Variants in SMARCA5 observed in about 807,000 individuals in gnomAD.
SMARCA5 encodes SWI/SNF-related matrix-associated actin-dependent regulator of chromatin subfamily A member 5.
SMARCA5 carries 18 observed loss-of-function variants against 140.4 expected under a neutral mutation model. The observed-to-expected ratio is 0.13, with a 90% CI of 0.09 to 0.19. The LOEUF (loss-of-function observed/expected upper bound fraction) is 0.19, where lower values mean the gene tolerates loss of function less well. SMARCA5 is among the 10% of genes least tolerant of loss of function. The probability of loss-of-function intolerance (pLI) is 1.00; values close to 1 mark genes in which losing one functional copy is unlikely to be tolerated. For missense variants in SMARCA5, 606 were observed against 1,276.8 expected (o/e 0.47, Z 8.01); for synonymous variants, 449 against 419.6 (o/e 1.07, Z -0.86).
At chr4:143,549,947 A>C in intron 22 of SMARCA5, 50 bp from the exon 23 acceptor site, 2 of 1,026,800 alleles carry the variant, frequency 1.9e-6, no homozygotes, top group Non-Finnish European at 3.0e-6. Flanking sequence ...AATTGAAATC[A>C]TGAAACTTGT....
rs1736748418 is a variant in SMARCA5, at chr4:143,513,722, C to G, written c.-203C>G. ...TAAGCGCCGGTGGAACCTAGAGCCC[C>G]GCGGAAGAGCAGAACGTTTGGGAGT... On this transcript the variant is annotated 5_prime_UTR_variant, in exon 1 of 24. Transcript: ENST00000283131. The G allele has an allele frequency of 6.7e-6, 4 of 597,938 alleles. No homozygotes were observed. Among genetic ancestry groups the G allele is most frequent in the Admixed American group, 3.3e-5 (1 of 30,314 alleles). 37.0% of individuals were successfully genotyped at this position (597,938 alleles called of 1,614,324 possible).
Position 143,555,305 on chromosome 4 carries a change from C to A in SMARCA5, c.*2121C>A. 1 of 765,436 alleles carries A rather than the reference C, an allele frequency of 1.3e-6. No homozygotes were observed. 47.4% of individuals were successfully genotyped at this position (765,436 alleles called of 1,614,324 possible). ...GCCAAAATCATTGTAGCTTTTACCA[C>A]CTCCAAAATTGCTTCAATCATTACC... On this transcript the variant is annotated 3_prime_UTR_variant, in exon 24 of 24. Coordinates refer to ENST00000283131, the MANE Select transcript of SMARCA5 (RefSeq NM_003601.4).
intron 1 of SMARCA5, 61 bp from the exon 2 acceptor site, chr4:143,517,294 C>A: frequency 1.6e-6 from 2 of 1,262,972 alleles, no homozygotes; most frequent in South Asian, 1.4e-5. Flanking sequence ...AGAAATTGGT[C>A]TATAATGGTA....
chr4:143,557,017 G>A lies in SMARCA5; in HGVS notation c.*3833G>A, dbSNP rs903948309. ...AGAAGTGGACTGGCACCTCACCTGA[G>A]ATACTCAAGACTGGCAACATGGGTC... On this transcript the variant is annotated 3_prime_UTR_variant, in exon 24 of 24. Transcript: ENST00000283131. The A allele has an allele frequency of 3.3e-5, 5 of 152,336 alleles. No homozygotes were observed. The highest frequency in any genetic ancestry group is 2.6e-4 in the Admixed American group (4 of 15,304). The allele number at this position is 152,336 out of a possible 1,614,324, so 9.4% of individuals were successfully genotyped here. A position where few individuals can be genotyped will look rare whatever the true frequency, so the allele number is the denominator to read the frequency against.
intron 14 of SMARCA5, among the ~76,000 whole-genome samples, chr4:143,541,931 C>T (rs907332530): frequency 6.6e-6 from 1 of 151,576 alleles, no homozygotes; most frequent in African/African-American, 2.4e-5. Context: ...GATCTCGGCT[C>T]ACTGCAACCT....
chr4:143,536,360 G>A, intron 10 of SMARCA5, 92 bp from the exon 11 acceptor site: 1 of 797,526 alleles, frequency 1.3e-6, no homozygotes, highest in South Asian at 1.6e-5. Flanking sequence ...GATATTTGGG[G>A]GTTCATGTGG....
chr4:143,536,527 C>T lies in SMARCA5; in HGVS notation c.1344C>T (p.Asn448=). The part of the protein sequence containing the change: ...AGKMDKMRLL[N]ILMQLRKCCN... Reference sequence around the variant, plus strand: ...AGATGGACAAAATGAGGTTATTGAACATCCTAATGCAGTTGAGAAAATGTT... The same window carrying T: ...AGATGGACAAAATGAGGTTATTGAATATCCTAATGCAGTTGAGAAAATGTT... Residue 448 remains asparagine, a synonymous_variant, in exon 11 of 24, where the codon AAC becomes AAT. Transcript: ENST00000283131. 6.2e-7 allele frequency: 1 copy of T among 1,613,822 alleles called. No homozygotes were observed.
chr4:143,525,649 G>T lies in SMARCA5; in HGVS notation c.621+98G>T, dbSNP rs1310467874. On this transcript the variant is annotated intron_variant, in intron 5 of 23. Coordinates refer to ENST00000283131, the MANE Select transcript of SMARCA5 (RefSeq NM_003601.4). ...TACAGTCTACAACTGTTAGCAAATG[G>T]ATCCTCTCAGAAACTAGTATAAGCA... 1.0e-5 allele frequency: 8 copies of T among 784,944 alleles called. No homozygotes were observed. The East Asian group carries it at 1.5e-4, about 15-fold the overall frequency. 48.6% of individuals were successfully genotyped at this position (784,944 alleles called of 1,614,324 possible).
At chr4:143,551,263 T>C (rs1367138618) in intron 23 of SMARCA5, among the ~76,000 whole-genome samples, 1 of 152,128 alleles carries the variant, frequency 6.6e-6, no homozygotes, top group Non-Finnish European at 1.5e-5. Context: ...ACTGTTAGGA[T>C]TTTTTTCAGT....
intron 4 of SMARCA5, 39 bp from the exon 5 acceptor site, chr4:143,525,412 T>G: frequency 8.1e-7 from 1 of 1,231,720 alleles, no homozygotes; most frequent in Non-Finnish European, 1.2e-6. Context: ...TTGTATTTCT[T>G]GTCTTAAAAT....
At chr4:143,548,350 G>A in intron 22 of SMARCA5, 1 of 376,442 alleles carries the variant, frequency 2.7e-6, no homozygotes, top group Non-Finnish European at 4.7e-6. Flanking sequence ...TATATGATAA[G>A]ACTAGCTTTT....
chr4:143,530,299 G>GT (rs1225421532), intron 8 of SMARCA5, among the ~76,000 whole-genome samples, 159 bp from the exon 9 acceptor site: 1 of 152,100 alleles, frequency 6.6e-6, no homozygotes, highest in Non-Finnish European at 1.5e-5. Context: ...TTTAAAATTA[G>GT]TAACAATGAC....
At chr4:143,539,063 T>G in intron 13 of SMARCA5, 125 bp downstream of exon 13, 2 of 817,768 alleles carry the variant, frequency 2.4e-6, no homozygotes, top group Non-Finnish European at 3.9e-6. Context: ...AATGGTTCAG[T>G]GAGAGTATAT....
intron 13 of SMARCA5, among the ~76,000 whole-genome samples, chr4:143,539,889 C>G (rs957983817): frequency 4.6e-5 from 7 of 151,866 alleles, no homozygotes; most frequent in Admixed American, 4.6e-4. Context: ...GGAAAATGGA[C>G]CAATTATTAG....
At chr4:143,521,893 CAAA>C (rs58679947) in intron 3 of SMARCA5, among the ~76,000 whole-genome samples, 12 of 44,802 alleles carry the variant, frequency 2.7e-4, no homozygotes, top group Non-Finnish European at 4.3e-4. Flanking sequence ...CCCATCTCTA[CAAA>C]AAAAAAAAAA....
intron 6 of SMARCA5, among the ~76,000 whole-genome samples, chr4:143,527,550 C>T (rs1737100250): frequency 6.6e-6 from 1 of 152,148 alleles, no homozygotes; most frequent in South Asian, 2.1e-4. Flanking sequence ...GTTAAAACCT[C>T]CCTCTTTTTT....
In SMARCA5 at chr4:143,556,492, T is replaced by C. The variant is rs1212030725; in HGVS notation, c.*3308T>C. On this transcript the variant is annotated 3_prime_UTR_variant, in exon 24 of 24. Coordinates refer to ENST00000283131, the MANE Select transcript of SMARCA5 (RefSeq NM_003601.4). ...TTGGAGTAGAACATTGCTAAAAAAATGGGTACTAAGGAGGGTAATTTAAAC... is the reference window on the plus strand; with the variant it reads ...TTGGAGTAGAACATTGCTAAAAAAACGGGTACTAAGGAGGGTAATTTAAAC... 1 of 152,092 alleles carries C rather than the reference T, an allele frequency of 6.6e-6. No individual in the cohort carries two copies. Among genetic ancestry groups the C allele is most frequent in the South Asian group, 2.1e-4 (1 of 4,834 alleles). The allele number at this position is 152,092 out of a possible 1,614,324, so 9.4% of individuals were successfully genotyped here.
Position 143,536,442 on chromosome 4 carries a change from C to T in SMARCA5, c.1269-10C>T, listed in dbSNP as rs1048177325. The T allele has an allele frequency of 3.1e-6, 5 of 1,589,752 alleles. No individual in the cohort carries two copies. In the African/African-American group the frequency reaches 5.4e-5, roughly 17 times the overall value. ...TTTGAGCTCTAAAAATGTTTTTCTTCTTTGAATAGGTATACTCGGATATTA... is the reference window on the plus strand; with the variant it reads ...TTTGAGCTCTAAAAATGTTTTTCTTTTTTGAATAGGTATACTCGGATATTA... On this transcript the variant is annotated splice_polypyrimidine_tract_variant and intron_variant, in intron 10 of 23. Transcript: ENST00000283131.
At chr4:143,538,101 C>T (rs923108004) in intron 11 of SMARCA5, among the ~76,000 whole-genome samples, 11 of 151,844 alleles carry the variant, frequency 7.2e-5, no homozygotes, top group East Asian at 5.8e-4. Context: ...GGAAGGCAGT[C>T]GGATAGTTTG....
Sources: gnomAD v4.1 joint callset for allele counts (sites outside exome capture counted in the v4.1 genomes callset) on GRCh38, gnomAD v4.1.1 for gene constraint, MANE v1.5 for transcripts, NCBI Gene and HGNC (gene_info 2026-07-23, HGNC 2026-07-21) for gene names.